The following SELENOI variants were observed in gnomAD, a reference collection of about 807,000 sequenced individuals.
The protein encoded by SELENOI is ethanolaminephosphotransferase 1.
Under a neutral mutation model 50.7 loss-of-function variants are expected in SELENOI, and 24 were observed. The ratio of observed to expected loss-of-function variants is 0.47; its 90% confidence interval spans 0.34 to 0.67. The LOEUF is 0.67. SELENOI is among the 30% of genes least tolerant of loss of function. SELENOI has a pLI of 0.01. For missense variants in SELENOI, 352 were observed against 461.4 expected, an observed-to-expected ratio of 0.76 and a Z score of 2.17; for synonymous variants, 155 against 170.2, an observed-to-expected ratio of 0.91 and a Z score of 0.70.
In SELENOI at chr2:26,388,158, A is replaced by G. The variant is rs139260806; in HGVS notation, c.1096-847A>G. Reference sequence around the variant, plus strand: ...ATGTAACCTTATATACCTTATATCAATACTCTTCGGCCTTTATCCTGATAT... The same window carrying G: ...ATGTAACCTTATATACCTTATATCAGTACTCTTCGGCCTTTATCCTGATAT... On this transcript the variant is annotated intron_variant, in intron 9 of 9. Coordinates refer to ENST00000260585, the MANE Select transcript of SELENOI (RefSeq NM_033505.4). Among the ~76,000 whole-genome samples, 335 of 152,324 alleles carry G rather than the reference A, an allele frequency of 2.2e-3. 3 individuals are homozygous for G. The highest frequency in any genetic ancestry group is 6.4e-3 in the African/African-American group (266 of 41,574).
intron 1 of SELENOI, among the ~76,000 whole-genome samples, chr2:26,349,845 T>C (rs1209136881): frequency 1.4e-5 from 2 of 142,706 alleles, no homozygotes; most frequent in African/African-American, 2.6e-5. Flanking sequence ...CAGTGGCTCA[T>C]GCCTGTAATC....
chr2:26,347,967 A>C (rs1460054090), intron 1 of SELENOI, among the ~76,000 whole-genome samples: 1 of 152,204 alleles, frequency 6.6e-6, no homozygotes. Context: ...CGATTTAGCA[A>C]GCGTCCAATG....
chr2:26,355,715 G>C (rs890688539), intron 1 of SELENOI, among the ~76,000 whole-genome samples: 1 of 150,868 alleles, frequency 6.6e-6, no homozygotes, highest in Non-Finnish European at 1.5e-5. Flanking sequence ...CTCTGTGGGC[G>C]TAGTTCTTCA....
At chr2:26,372,037 A>T (rs1677467244) in intron 4 of SELENOI, among the ~76,000 whole-genome samples, 1 of 152,176 alleles carries the variant, frequency 6.6e-6, no homozygotes, top group Non-Finnish European at 1.5e-5. Context: ...ATCTTAGCCT[A>T]AAGAGAACCT....
intron 6 of SELENOI, 106 bp downstream of exon 6, chr2:26,375,254 A>G: frequency 1.5e-6 from 1 of 675,822 alleles, no homozygotes; most frequent in Non-Finnish European, 2.6e-6. Context: ...CAAAACCTCC[A>G]GGAAGCAGAA....
At chr2:26,350,677 A>G (rs1282488666) in intron 1 of SELENOI, among the ~76,000 whole-genome samples, 2 of 152,178 alleles carry the variant, frequency 1.3e-5, no homozygotes, top group Non-Finnish European at 2.9e-5. Flanking sequence ...CAGTTATAAA[A>G]AGTTAATAAG....
chr2:26,372,748 T>C (rs1451225845), intron 4 of SELENOI, among the ~76,000 whole-genome samples: 2 of 152,252 alleles, frequency 1.3e-5, no homozygotes, highest in African/African-American at 4.8e-5. Context: ...AATTGTTCCA[T>C]AGATTTGGAG....
intron 6 of SELENOI, among the ~76,000 whole-genome samples, chr2:26,378,359 C>A (rs2163241): frequency 6.6e-6 from 1 of 152,126 alleles, no homozygotes; most frequent in Non-Finnish European, 1.5e-5. Context: ...CTCTGTCTTT[C>A]AAGCACAGCA....
In SELENOI at chr2:26,370,804, G is replaced by A. The variant is rs920244883; in HGVS notation, c.311-2563G>A. Among the ~76,000 whole-genome samples, 12 of 113,024 alleles carry A rather than the reference G, an allele frequency of 1.1e-4. No homozygotes were observed. The East Asian group carries it at 1.1e-3, about 10-fold the overall frequency. 74.1% of individuals were successfully genotyped at this position (113,024 alleles called of 152,430 possible). A position where few individuals can be genotyped will look rare whatever the true frequency, so the allele number is the denominator to read the frequency against. ...CGGGCAGAGGGGCTCCTCACCTCCC[G>A]GACGGGGCGGCTGGCCGGGCGGGGG... On this transcript the variant is annotated intron_variant, in intron 4 of 9. Transcript: ENST00000260585.
chr2:26,394,366 CAG>C lies in SELENOI; in HGVS notation c.*5266_*5267del, dbSNP rs1165828922. 6.6e-6 allele frequency: 1 copy of C among 151,838 alleles called. No homozygotes were observed. Among genetic ancestry groups the C allele is most frequent in the African/African-American group, 2.4e-5 (1 of 41,298 alleles). The allele number at this position is 151,838 out of a possible 1,614,324, so 9.4% of individuals were successfully genotyped here. A position where few individuals can be genotyped will look rare whatever the true frequency, so the allele number is the denominator to read the frequency against. On this transcript the variant is annotated 3_prime_UTR_variant, in exon 10 of 10. Coordinates refer to ENST00000260585, the MANE Select transcript of SELENOI (RefSeq NM_033505.4). This position sits in a 1 kb window ranked among gnomAD's most constrained non-coding sequence, Gnocchi z 4.1. Reference sequence around the variant, plus strand: ...AGAGATTGTGCCACTGCACTCCAGCCAGAGTGACAGAGCAAGACTCCATCTCA... The same window carrying C: ...AGAGATTGTGCCACTGCACTCCAGCCAGTGACAGAGCAAGACTCCATCTCA...
At chr2:26,383,822 C>T (rs1033373614) in intron 7 of SELENOI, among the ~76,000 whole-genome samples, 2 of 151,930 alleles carry the variant, frequency 1.3e-5, no homozygotes, top group South Asian at 2.1e-4. Context: ...TGCAGTGAGT[C>T]GAGATCGCGC....
At chr2:26,387,203 G>T (rs1291229884) in intron 9 of SELENOI, among the ~76,000 whole-genome samples, 1 of 152,196 alleles carries the variant, frequency 6.6e-6, no homozygotes, top group African/African-American at 2.4e-5. Context: ...AATTTTAGGA[G>T]AATGGACGAA....
chr2:26,346,405 G>A, intron 1 of SELENOI, 116 bp downstream of exon 1: 1 of 1,301,690 alleles, frequency 7.7e-7, no homozygotes, highest in Non-Finnish European at 1.0e-6. Context: ...GCGGGCTGGC[G>A]GGCGTTCCTC....
intron 3 of SELENOI, among the ~76,000 whole-genome samples, chr2:26,366,718 A>G (rs980702741): frequency 6.6e-6 from 1 of 152,248 alleles, no homozygotes; most frequent in South Asian, 2.1e-4. Context: ...TCTATACCCA[A>G]ATCAAAAGGT....
rs1336185724 is a variant in SELENOI, at chr2:26,390,719, G to A, written c.*1616G>A. ...TTTCTCTGAGACACAGATGAACGTT[G>A]GAAATAGATGAGAAATGGATGCAGA... On this transcript the variant is annotated 3_prime_UTR_variant, in exon 10 of 10. Coordinates refer to ENST00000260585, the MANE Select transcript of SELENOI (RefSeq NM_033505.4). 1 of 152,050 alleles carries A rather than the reference G, an allele frequency of 6.6e-6. No homozygotes were observed. Among genetic ancestry groups the A allele is most frequent in the Non-Finnish European group, 1.5e-5 (1 of 67,998 alleles). The allele number at this position is 152,050 out of a possible 1,614,324, so 9.4% of individuals were successfully genotyped here.
chr2:26,372,739 A>G (rs1490200954), intron 4 of SELENOI, among the ~76,000 whole-genome samples: 3 of 152,184 alleles, frequency 2.0e-5, no homozygotes, highest in South Asian at 2.1e-4. Context: ...AAACAACCCA[A>G]TTGTTCCATA....
intron 3 of SELENOI, among the ~76,000 whole-genome samples, chr2:26,366,566 A>C (rs899791888): frequency 2.6e-4 from 40 of 152,204 alleles, no homozygotes; most frequent in African/African-American, 9.7e-4. Flanking sequence ...GATACATTCA[A>C]GGTTACACTG....
chr2:26,374,121 TA>T (rs1248912252), intron 5 of SELENOI, among the ~76,000 whole-genome samples: 1 of 152,184 alleles, frequency 6.6e-6, no homozygotes, highest in Non-Finnish European at 1.5e-5. Flanking sequence ...CTCTAAATGA[TA>T]AAAGCTTCCT....
At chr2:26,373,241 G>T in intron 4 of SELENOI, 126 bp from the exon 5 acceptor site, 1 of 1,143,690 alleles carries the variant, frequency 8.7e-7, no homozygotes, top group South Asian at 1.7e-5. Context: ...AGTACCAGCT[G>T]ATAGCTATAC....
Sources: gnomAD v4.1 joint callset for allele counts (sites outside exome capture counted in the v4.1 genomes callset) on GRCh38, gnomAD v4.1.1 for gene constraint, Gnocchi (gnomAD v3.1) non-coding constraint, MANE v1.5 for transcripts, NCBI Gene and HGNC (gene_info 2026-07-23, HGNC 2026-07-21) for gene names.